OPCML: variants seen among roughly 807,000 people sequenced by gnomAD.
OPCML encodes opioid binding protein/cell adhesion molecule like.
Under a neutral mutation model 37.8 loss-of-function variants are expected in OPCML, and 13 were observed. The observed-to-expected ratio is 0.34, with a 90% CI of 0.22 to 0.55. The LOEUF is 0.55. OPCML is among the 20% of genes least tolerant of loss of function. OPCML has a pLI of 0.91. For missense variants in OPCML, 341 were observed against 435.6 expected (o/e 0.78, Z 1.93); for synonymous variants, 176 against 168.8 (o/e 1.04, Z -0.33).
chr11:132,879,701 A>G (rs545519134), intron 2 of OPCML, among the ~76,000 whole-genome samples: 1 of 152,354 alleles, frequency 6.6e-6, no homozygotes, highest in South Asian at 2.1e-4. Flanking sequence ...GGCAACAGCT[A>G]TCCTCAGCAA....
At chr11:132,629,497 T>A (rs1939962504) in intron 3 of OPCML, among the ~76,000 whole-genome samples, 1 of 152,220 alleles carries the variant, frequency 6.6e-6, no homozygotes, top group East Asian at 1.9e-4. Context: ...GGATTAATGA[T>A]GTCCTCATTG....
intron 1 of OPCML, among the ~76,000 whole-genome samples, chr11:133,221,582 G>C (rs535481215): frequency 6.6e-6 from 1 of 152,110 alleles, no homozygotes; most frequent in Admixed American, 6.6e-5. Context: ...CAACTCCCAC[G>C]TCCAAGACCC....
chr11:133,272,263 A>AG (rs1941862147), intron 1 of OPCML, among the ~76,000 whole-genome samples: 1 of 151,976 alleles, frequency 6.6e-6, no homozygotes, highest in South Asian at 2.1e-4. Context: ...AAAAAAAAAA[A>AG]AAAAAAGAAA....
intron 1 of OPCML, chr11:133,024,539 CT>C: frequency 1.0e-6 from 1 of 985,348 alleles, no homozygotes; most frequent in Non-Finnish European, 1.2e-6. Flanking sequence ...GTAATATACC[CT>C]TTGCACGTAA....
chr11:132,530,347 A>T (rs928947390), intron 3 of OPCML, among the ~76,000 whole-genome samples: 9 of 151,686 alleles, frequency 5.9e-5, no homozygotes, highest in Non-Finnish European at 2.9e-5. Context: ...ATTCCTTCTC[A>T]CCTCTTATTT....
At chr11:132,516,904 C>A (rs886525786) in intron 4 of OPCML, among the ~76,000 whole-genome samples, 8 of 152,256 alleles carry the variant, frequency 5.3e-5, no homozygotes, top group African/African-American at 1.9e-4. Flanking sequence ...AGATGTCGAA[C>A]CTCTTCTGCT....
intron 2 of OPCML, among the ~76,000 whole-genome samples, chr11:132,934,416 T>C (rs1014204805): frequency 6.6e-6 from 1 of 152,152 alleles, no homozygotes; most frequent in African/African-American, 2.4e-5. Context: ...TAGCAGCAAG[T>C]GAGAACTGAC....
intron 1 of OPCML, among the ~76,000 whole-genome samples, chr11:133,290,884 A>G (rs917123658): frequency 2.6e-5 from 4 of 152,226 alleles, no homozygotes; most frequent in African/African-American, 9.6e-5. Context: ...TTCAAGAAGT[A>G]GCCGCAGCTT....
rs532639216 is a variant in OPCML at position 132,478,063 on chromosome 11, T to C, written c.506-40704A>G. On this transcript the variant is annotated intron_variant, in intron 4 of 7. Transcript: ENST00000524381. ...TTGAAGACAATTAGCAAGTTAGAAA[T>C]TCAGCAAGTTTGCAGAATATACTCA... 6.6e-5 allele frequency among the ~76,000 whole-genome samples: 10 copies of C among 152,296 alleles called. No homozygotes were observed. In the South Asian group the frequency reaches 2.1e-3, roughly 32 times the overall value.
intron 1 of OPCML, among the ~76,000 whole-genome samples, chr11:133,508,544 T>C (rs960023654): frequency 2.0e-5 from 3 of 152,212 alleles, no homozygotes; most frequent in African/African-American, 7.2e-5. Context: ...TGGCCCTGGC[T>C]GACCTGCCTC....
At chr11:132,920,711 C>T (rs896736800) in intron 2 of OPCML, among the ~76,000 whole-genome samples, 2 of 152,216 alleles carry the variant, frequency 1.3e-5, no homozygotes, top group Non-Finnish European at 2.9e-5. Context: ...ATCTTTCGCA[C>T]TCCCTGAAGG....
chr11:133,296,742 T>A (rs762655028), intron 1 of OPCML, among the ~76,000 whole-genome samples: 8 of 152,228 alleles, frequency 5.3e-5, no homozygotes, highest in Non-Finnish European at 1.2e-4. Context: ...TAAGACTGTT[T>A]TCTTCTATTT....
intron 1 of OPCML, among the ~76,000 whole-genome samples, chr11:133,176,337 C>CTTTTTTTTT (rs3049633): frequency 7.1e-6 from 1 of 140,032 alleles, no homozygotes. Flanking sequence ...CTTCATTTTC[C>CTTTTTTTTT]TTTTTTTTTT....
rs1938233742 is a variant in OPCML at position 132,795,197 on chromosome 11, T to C, written c.147-137878A>G. On this transcript the variant is annotated intron_variant, in intron 2 of 7. Transcript: ENST00000524381. ...GTACATGGGTGTTAGCTGTTGTACA[T>C]TTCATACGTTTGAATTTTTCTTATC... Among the ~76,000 whole-genome samples the C allele has an allele frequency of 2.0e-5, 3 of 152,230 alleles. No homozygotes were observed. In the South Asian group the frequency reaches 6.2e-4, roughly 32 times the overall value.
intron 1 of OPCML, among the ~76,000 whole-genome samples, chr11:133,151,826 T>C (rs1356930152): frequency 2.3e-4 from 35 of 152,034 alleles, no homozygotes; most frequent in Admixed American, 2.3e-3. Context: ...AGCAAAAATC[T>C]CAACTGAGAT....
chr11:132,839,699 T>C (rs1020804004), intron 2 of OPCML, among the ~76,000 whole-genome samples: 2 of 152,186 alleles, frequency 1.3e-5, no homozygotes, highest in African/African-American at 4.8e-5. Flanking sequence ...TCTCACTCTC[T>C]GAATAAAATA....
intron 1 of OPCML, among the ~76,000 whole-genome samples, chr11:133,183,880 A>G (rs1486093406): frequency 6.6e-6 from 1 of 152,080 alleles, no homozygotes; most frequent in Non-Finnish European, 1.5e-5. Context: ...GCTCATCTGT[A>G]CTCTAAATAC....
intron 1 of OPCML, among the ~76,000 whole-genome samples, chr11:133,401,987 C>T (rs1424105321): frequency 6.6e-6 from 1 of 152,150 alleles, no homozygotes; most frequent in African/African-American, 2.4e-5. Context: ...GGGCCGCGAG[C>T]AAGTCAAACT....
chr11:133,308,861 A>G (rs902137575), intron 1 of OPCML, among the ~76,000 whole-genome samples: 3 of 152,244 alleles, frequency 2.0e-5, no homozygotes, highest in Admixed American at 6.5e-5. Flanking sequence ...AACACCAAAG[A>G]GCCAACTTCA....
Sources: allele counts gnomAD v4.1 joint callset (sites outside exome capture counted in the v4.1 genomes callset), GRCh38; gene constraint gnomAD v4.1.1; transcripts MANE v1.5; gene names NCBI Gene and HGNC (gene_info 2026-07-23, HGNC 2026-07-21).